Variants in RALGAPA2 observed in about 807,000 individuals in gnomAD.
RALGAPA2 encodes the protein ral GTPase-activating protein subunit alpha-2.
Under a neutral mutation model 230.4 loss-of-function variants are expected in RALGAPA2, and 139 were observed. That is an observed-to-expected ratio of 0.60 (90% CI 0.53 to 0.69). The LOEUF (loss-of-function observed/expected upper bound fraction) is 0.69, where lower values mean the gene tolerates loss of function less well. Among genes scored for constraint, RALGAPA2 ranks in the 30% least tolerant of loss-of-function variants. The probability of loss-of-function intolerance (pLI) is 0.00; values close to 1 mark genes in which losing one functional copy is unlikely to be tolerated. For missense variants in RALGAPA2, 2,163 were observed against 2,276.0 expected (o/e 0.95, Z 1.01); for synonymous variants, 847 against 837.8 (o/e 1.01, Z -0.19).
intron 37 of RALGAPA2, among the ~76,000 whole-genome samples, chr20:20,426,936 C>T (rs546278053): frequency 1.3e-5 from 2 of 152,256 alleles, no homozygotes; most frequent in African/African-American, 4.8e-5. Flanking sequence ...ATCCTCACAA[C>T]TTCCTTCTGT....
chr20:20,624,463 T>A (rs1378764253), intron 10 of RALGAPA2, among the ~76,000 whole-genome samples: 2 of 152,064 alleles, frequency 1.3e-5, no homozygotes, highest in East Asian at 3.8e-4. Flanking sequence ...AAAAATTAAG[T>A]ATTTTAGAAC....
intron 23 of RALGAPA2, among the ~76,000 whole-genome samples, chr20:20,571,019 G>A (rs1374661878): frequency 6.6e-6 from 1 of 152,168 alleles, no homozygotes; most frequent in African/African-American, 2.4e-5. Context: ...ATCAAGAAAT[G>A]TCTGGACTCA....
chr20:20,682,546 C>T (rs1226740855), intron 1 of RALGAPA2, among the ~76,000 whole-genome samples: 1 of 152,102 alleles, frequency 6.6e-6, no homozygotes, highest in East Asian at 1.9e-4. Flanking sequence ...TGCACCTCTG[C>T]TGTGTGGCCC....
chr20:20,701,171 G>A (rs1235488004), intron 1 of RALGAPA2, among the ~76,000 whole-genome samples: 1 of 152,198 alleles, frequency 6.6e-6, no homozygotes, highest in Admixed American at 6.5e-5. Flanking sequence ...CATTGGATGT[G>A]TAACCTTGAA....
intron 3 of RALGAPA2, among the ~76,000 whole-genome samples, chr20:20,669,984 A>G (rs720332): frequency 0.011 from 1,705 of 152,314 alleles, 30 homozygotes; most frequent in African/African-American, 0.039. Flanking sequence ...TAATTCAAGA[A>G]CCATCACCAA....
chr20:20,408,738 G>A (rs1195275133), intron 38 of RALGAPA2, among the ~76,000 whole-genome samples: 1 of 151,848 alleles, frequency 6.6e-6, no homozygotes, highest in Non-Finnish European at 1.5e-5. Flanking sequence ...ATGTGTGTGT[G>A]TGTGAGAGAG....
intron 37 of RALGAPA2, among the ~76,000 whole-genome samples, chr20:20,417,208 C>T (rs2060184402): frequency 6.6e-6 from 1 of 152,190 alleles, no homozygotes; most frequent in Non-Finnish European, 1.5e-5. Context: ...AAACCTCTGG[C>T]TAAATAGCTA....
intron 16 of RALGAPA2, among the ~76,000 whole-genome samples, chr20:20,601,083 G>C (rs1340534111): frequency 6.6e-6 from 1 of 151,998 alleles, no homozygotes; most frequent in Non-Finnish European, 1.5e-5. Flanking sequence ...CTGGGCGTCA[G>C]AGCGAGACTC....
intron 35 of RALGAPA2, among the ~76,000 whole-genome samples, chr20:20,500,108 T>C (rs537510955): frequency 6.6e-6 from 1 of 152,336 alleles, no homozygotes; most frequent in Non-Finnish European, 1.5e-5. Flanking sequence ...CAGTGAGTTG[T>C]AGTCTTTTTT....
intron 4 of RALGAPA2, among the ~76,000 whole-genome samples, chr20:20,651,509 A>G (rs1025538305): frequency 6.6e-6 from 1 of 152,184 alleles, no homozygotes; most frequent in Non-Finnish European, 1.5e-5. Flanking sequence ...GGCAATCTCA[A>G]TTGAGGAGTC....
Position 20,393,363 on chromosome 20 carries a change from A to G in RALGAPA2, c.*36-110T>C, listed in dbSNP as rs575262040. On this transcript the variant is annotated intron_variant, in intron 39 of 39. Transcript: ENST00000202677. Reference sequence around the variant, plus strand: ...AGAAGGGAGGGAAACTCCCAGGAGAAGGGTCTGGTGACCTCCTCCCACGCT... The same window carrying G: ...AGAAGGGAGGGAAACTCCCAGGAGAGGGGTCTGGTGACCTCCTCCCACGCT... 67 of 880,192 alleles carry G rather than the reference A, an allele frequency of 7.6e-5. No individual in the cohort carries two copies. In the South Asian group the frequency reaches 1.2e-3, roughly 15 times the overall value. The allele number at this position is 880,192 out of a possible 1,614,324, so 54.5% of individuals were successfully genotyped here.
chr20:20,443,553 C>T (rs181086320), intron 37 of RALGAPA2, among the ~76,000 whole-genome samples: 1 of 152,300 alleles, frequency 6.6e-6, no homozygotes. Context: ...TAGTTGCAGC[C>T]ACCTCAATCT....
intron 37 of RALGAPA2, among the ~76,000 whole-genome samples, chr20:20,463,931 T>C (rs974125650): frequency 8.5e-5 from 13 of 152,196 alleles, no homozygotes; most frequent in African/African-American, 2.9e-4. Context: ...CAAAAATGTA[T>C]TTGGGAACAA....
At chr20:20,473,658 G>A (rs2061587540) in intron 36 of RALGAPA2, among the ~76,000 whole-genome samples, 1 of 152,100 alleles carries the variant, frequency 6.6e-6, no homozygotes. Context: ...GTTTTTAATA[G>A]AGACTGGCTT....
chr20:20,511,387 A>G lies in RALGAPA2; in HGVS notation c.4857-62T>C, dbSNP rs753621856. ...TTACAGAACCATTTTGCCGCTTTTC[A>G]ATCAGTAATTTAATAAAAATACCTA... On this transcript the variant is annotated intron_variant, in intron 32 of 39. Transcript: ENST00000202677. 4.6e-6 allele frequency: 7 copies of G among 1,508,866 alleles called. No individual in the cohort carries two copies. In the Admixed American group the frequency reaches 1.0e-4, roughly 22 times the overall value. The allele number at this position is 1,508,866 out of a possible 1,614,324, so 93.5% of individuals were successfully genotyped here.
At chr20:20,577,619 C>G (rs1437069493) in intron 20 of RALGAPA2, among the ~76,000 whole-genome samples, 1 of 152,182 alleles carries the variant, frequency 6.6e-6, no homozygotes, top group African/African-American at 2.4e-5. Flanking sequence ...AAAGACTCAT[C>G]ATCCTAATTC....
chr20:20,593,879 C>T (rs1371738271), intron 16 of RALGAPA2, among the ~76,000 whole-genome samples: 1 of 152,202 alleles, frequency 6.6e-6, no homozygotes, highest in Non-Finnish European at 1.5e-5. Flanking sequence ...AGCAGACGGA[C>T]GGAGAGCCTG....
At chr20:20,624,609 G>C (rs1418364962) in intron 10 of RALGAPA2, among the ~76,000 whole-genome samples, 4 of 152,114 alleles carry the variant, frequency 2.6e-5, no homozygotes, top group Non-Finnish European at 4.4e-5. Flanking sequence ...TTAGTAACTA[G>C]AGGGGGCTAA....
chr20:20,449,466 G>A (rs1399087405), intron 37 of RALGAPA2, among the ~76,000 whole-genome samples: 1 of 152,206 alleles, frequency 6.6e-6, no homozygotes, highest in African/African-American at 2.4e-5. Flanking sequence ...AGACACTCAA[G>A]TTTCCTTTTA....
Sources: allele counts gnomAD v4.1 joint callset (sites outside exome capture counted in the v4.1 genomes callset), GRCh38; gene constraint gnomAD v4.1.1; transcripts MANE v1.5; gene names NCBI Gene and HGNC (gene_info 2026-07-23, HGNC 2026-07-21).